DGKI: variants seen among roughly 807,000 people sequenced by gnomAD.
The protein encoded by DGKI is diacylglycerol kinase iota.
DGKI carries 55 observed loss-of-function variants against 147.5 expected under a neutral mutation model. That is an observed-to-expected ratio of 0.37 (90% CI 0.30 to 0.47). The LOEUF (loss-of-function observed/expected upper bound fraction) is 0.47, where lower values mean the gene tolerates loss of function less well. Ranked by LOEUF, DGKI falls within the 20% of genes least tolerant of loss-of-function variation. The pLI, the probability that DGKI is intolerant of heterozygous loss-of-function variation, is 1.00. For missense variants in DGKI, 1,007 were observed against 1,323.8 expected (o/e 0.76, Z 3.71); for synonymous variants, 469 against 477.1 (o/e 0.98, Z 0.22).
chr7:137,495,635 C>T (rs898362217), intron 21 of DGKI, among the ~76,000 whole-genome samples: 5 of 151,662 alleles, frequency 3.3e-5, no homozygotes, highest in East Asian at 1.9e-4. Context: ...TTTATCCCTG[C>T]GATGCAAGGT....
At chr7:137,440,348 C>G (rs749371102) in intron 28 of DGKI, among the ~76,000 whole-genome samples, 3 of 152,116 alleles carry the variant, frequency 2.0e-5, no homozygotes, top group Admixed American at 6.5e-5. Context: ...TTGGTATTTC[C>G]TTTTTCTACA....
At chr7:137,795,046 C>T (rs1796980732) in intron 1 of DGKI, among the ~76,000 whole-genome samples, 1 of 152,108 alleles carries the variant, frequency 6.6e-6, no homozygotes, top group South Asian at 2.1e-4. Flanking sequence ...ATATGAAAAC[C>T]ACCTAGGAAA....
At chr7:137,475,319 T>G (rs1815132563) in intron 23 of DGKI, among the ~76,000 whole-genome samples, 1 of 152,206 alleles carries the variant, frequency 6.6e-6, no homozygotes, top group Non-Finnish European at 1.5e-5. Context: ...TTATAGGGCT[T>G]GTCTTAATCA....
At position 137,846,687 on chromosome 7, in the gene DGKI, G is replaced by A; in HGVS notation, c.176C>T (p.Ala59Val). ...GCCCGTCGCCCCTTTCTCCTCTCCC[G>A]CCGAGGAGCTGGGGTTCATGGCGCC... is the stretch of plus-strand genomic sequence containing the variant. ...GAGAMNPSSS[A>V]GEEKGATGGS... is the part of the protein sequence containing the mutation. Residue 59 changes from alanine (A) to valine (V), a missense_variant, in exon 1 of 33, where the codon GCG (alanine) becomes GTG (valine). This residue lies in a region of DGKI where 137 missense variants were observed against 114.4 expected (regional missense o/e 1.20). Coordinates refer to ENST00000614521, the MANE Select transcript of DGKI (RefSeq NM_001321708.2). This position sits in a 1 kb window ranked among gnomAD's most constrained non-coding sequence, Gnocchi z 4.0. 1 of 1,066,758 alleles carries A rather than the reference G, an allele frequency of 9.4e-7. No individual in the cohort carries two copies. The highest frequency in any genetic ancestry group is 9.3e-5 in the East Asian group (1 of 10,746). 66.1% of individuals were successfully genotyped at this position (1,066,758 alleles called of 1,614,324 possible).
chr7:137,705,732 T>C lies in DGKI; in HGVS notation c.402-15730A>G, dbSNP rs537968280. 3.3e-5 allele frequency among the ~76,000 whole-genome samples: 5 copies of C among 152,290 alleles called. No individual in the cohort carries two copies. The East Asian group carries it at 9.6e-4, about 29-fold the overall frequency. ...AAATTACAAAAAAGAAAAAGGCATG[T>C]AAATTAATAGACAAATAATAAATAT... is the stretch of plus-strand genomic sequence containing the variant. On this transcript the variant is annotated intron_variant, in intron 1 of 32. Transcript: ENST00000614521.
intron 5 of DGKI, among the ~76,000 whole-genome samples, chr7:137,646,859 T>C (rs1821843718): frequency 6.6e-6 from 1 of 151,958 alleles, no homozygotes; most frequent in African/African-American, 2.4e-5. Context: ...AAATTCAGAG[T>C]GACAAGAAAC....
chr7:137,687,085 G>C (rs1405422794), intron 2 of DGKI, among the ~76,000 whole-genome samples: 2 of 152,102 alleles, frequency 1.3e-5, no homozygotes, highest in Non-Finnish European at 2.9e-5. Context: ...GAGCCAAAGT[G>C]TTACAGAGCA....
intron 7 of DGKI, among the ~76,000 whole-genome samples, chr7:137,620,827 A>C (rs1315195943): frequency 1.3e-5 from 2 of 152,172 alleles, no homozygotes; most frequent in Non-Finnish European, 2.9e-5. Flanking sequence ...GAAAAAGAAA[A>C]CTAAAATCAA....
At chr7:137,564,834 C>T (rs1009325104) in intron 19 of DGKI, among the ~76,000 whole-genome samples, 2 of 152,218 alleles carry the variant, frequency 1.3e-5, no homozygotes, top group Non-Finnish European at 2.9e-5. Flanking sequence ...AAGGGCGGTC[C>T]CTCGTGCCAC....
chr7:137,401,796 A>G (rs1403727348), intron 30 of DGKI, among the ~76,000 whole-genome samples: 1 of 152,196 alleles, frequency 6.6e-6, no homozygotes, highest in East Asian at 1.9e-4. Flanking sequence ...AAAATACTAT[A>G]AAATCCCTAT....
At chr7:137,662,138 C>T (rs1391920206) in intron 3 of DGKI, among the ~76,000 whole-genome samples, 6 of 152,024 alleles carry the variant, frequency 3.9e-5, no homozygotes, top group South Asian at 4.2e-4. Context: ...GGCCAAAGCC[C>T]GACCTCCACC....
At chr7:137,625,737 TA>T (rs1323200520) in intron 6 of DGKI, among the ~76,000 whole-genome samples, 2 of 140,042 alleles carry the variant, frequency 1.4e-5, no homozygotes, top group Non-Finnish European at 3.0e-5. Context: ...ATCTCTATAT[TA>T]AAATTAAAAA....
At chr7:137,504,582 T>G (rs1585178900) in intron 21 of DGKI, among the ~76,000 whole-genome samples, 2 of 152,200 alleles carry the variant, frequency 1.3e-5, no homozygotes, top group East Asian at 3.8e-4. Flanking sequence ...CAAAATATAG[T>G]CATCTTAGAA....
At chr7:137,845,429 A>G (rs776157592) in intron 1 of DGKI, among the ~76,000 whole-genome samples, 7 of 152,212 alleles carry the variant, frequency 4.6e-5, no homozygotes, top group Non-Finnish European at 8.8e-5. Context: ...TAACTCAGAA[A>G]GAGTAGGGTT....
intron 28 of DGKI, among the ~76,000 whole-genome samples, chr7:137,421,236 C>A (rs895068365): frequency 1.3e-5 from 2 of 152,188 alleles, no homozygotes; most frequent in African/African-American, 4.8e-5. Flanking sequence ...CCATCAGTGG[C>A]ATCAAAAGGC....
intron 16 of DGKI, 89 bp from the exon 17 acceptor site, chr7:137,577,373 C>A: frequency 2.2e-6 from 2 of 890,860 alleles, no homozygotes; most frequent in Non-Finnish European, 3.5e-6. Context: ...CCAAGGATTC[C>A]AAAGTATGCA....
At chr7:137,455,093 T>C (rs1481362518) in intron 27 of DGKI, among the ~76,000 whole-genome samples, 2 of 152,148 alleles carry the variant, frequency 1.3e-5, no homozygotes, top group African/African-American at 4.8e-5. Context: ...AAATAAGGAC[T>C]TCTGATCCCA....
rs182717866 is a variant in DGKI at position 137,552,470 on chromosome 7, C to T, written c.2046G>A (p.Glu682=). The T allele has an allele frequency of 1.1e-4, 172 of 1,614,164 alleles. No homozygotes were observed. Among genetic ancestry groups the T allele is most frequent in the East Asian group, 6.7e-5 (3 of 44,876 alleles). ...TCATAGCTGGGGCCAACCTACAGGG[C>T]TCCCCATCCACTTGCATGGGGATGG... ...YKSIPMQVDG[E]PCRLAPAMIR... Residue 682 remains glutamate (E), a synonymous_variant, in exon 20 of 33, where the codon GAG becomes GAA. Coordinates refer to ENST00000614521, the MANE Select transcript of DGKI (RefSeq NM_001321708.2).
chr7:137,773,978 C>A (rs1051310835), intron 1 of DGKI, among the ~76,000 whole-genome samples: 2 of 152,168 alleles, frequency 1.3e-5, no homozygotes, highest in African/African-American at 4.8e-5. Context: ...TGAGAAAAAT[C>A]ATGTATCTAA....
Sources: allele counts gnomAD v4.1 joint callset (sites outside exome capture counted in the v4.1 genomes callset), GRCh38; gene constraint gnomAD v4.1.1; regional missense constraint gnomAD v4.1.1; non-coding constraint Gnocchi (gnomAD v3.1); transcripts MANE v1.5; gene names NCBI Gene and HGNC (gene_info 2026-07-23, HGNC 2026-07-21).